The following CEP78 variants were observed in gnomAD, a reference collection of about 807,000 sequenced individuals.
The protein encoded by CEP78 is centrosomal protein of 78 kDa.
CEP78 carries 76 observed loss-of-function variants against 81.2 expected under a neutral mutation model. The ratio of observed to expected loss-of-function variants is 0.94; its 90% CI spans 0.78 to 1.13. The LOEUF (loss-of-function observed/expected upper bound fraction) is 1.13, where lower values mean the gene tolerates loss of function less well. Ranked by LOEUF, CEP78 falls within the 50% of genes most tolerant of loss-of-function variation. CEP78 has a pLI of 0.00. For synonymous variants in CEP78, 293 were observed against 301.4 expected, an observed-to-expected ratio of 0.97 and a Z score of 0.29; for missense variants, 918 against 846.8, an observed-to-expected ratio of 1.08 and a Z score of -1.04.
rs761485253 is a variant in CEP78 at position 78,236,428 on chromosome 9, G to A, written c.78G>A (p.Gln26=). 3 of 1,602,170 alleles carry A rather than the reference G, an allele frequency of 1.9e-6. No individual in the cohort carries two copies. Among genetic ancestry groups the A allele is most frequent in the Non-Finnish European group, 2.6e-6 (3 of 1,174,828 alleles). The change falls in exon 1 of 17, where the codon CAG becomes CAA. Residue 26 remains glutamine (Q), a synonymous_variant. Transcript: ENST00000643273. ...ACTACGAGTACCTGTGCGCGCTGCA[G>A]AACTCGGTGCCGCTGCCCGCCGTGC... ...FSHYEYLCAL[Q]NSVPLPAVRA...
In CEP78 at chr9:78,241,921, G is replaced by A. The variant is rs28506973; in HGVS notation, c.603+122G>A. The A allele has an allele frequency of 1.5e-3, 775 of 531,156 alleles. 4 individuals are homozygous for A. Among genetic ancestry groups the A allele is most frequent in the African/African-American group, 0.013 (693 of 52,078 alleles). 32.9% of individuals were successfully genotyped at this position (531,156 alleles called of 1,614,324 possible). On this transcript the variant is annotated intron_variant, in intron 4 of 16. Coordinates refer to ENST00000643273, the MANE Select transcript of CEP78 (RefSeq NM_001330691.3). ...ATATGGGCATTGCAGTTTTAGTTTT[G>A]TTTAAAGAATGTGACCAATTTTCAG...
chr9:78,277,271 G>GC lies in CEP78; in HGVS notation c.*6422dup. 6.6e-6 allele frequency: 1 copy of GC among 151,614 alleles called. No individual in the cohort carries two copies. The highest frequency in any genetic ancestry group is 1.9e-4 in the East Asian group (1 of 5,170). 9.4% of individuals were successfully genotyped at this position (151,614 alleles called of 1,614,324 possible). ...CCCAACCAAGACACAAAACCCAGTA[G>GC]CCATGAAAAAAAAGATAGATTTGAC... On this transcript the variant is annotated 3_prime_UTR_variant, in exon 17 of 17. Transcript: ENST00000643273.
chr9:78,241,739 C>T lies in CEP78; in HGVS notation c.543C>T (p.Val181=). ...GIKSSITLKT[V]NFTGCNLTWQ... ...AGAGCTCTATCACTCTTAAGACAGT[C>T]AACTTCACAGGATGTAATCTGACAT... The change falls in exon 4 of 17, where the codon GTC becomes GTT. Residue 181 remains valine, a synonymous_variant. Transcript: ENST00000643273. 1 of 1,610,114 alleles carries T rather than the reference C, an allele frequency of 6.2e-7. No homozygotes were observed. The highest frequency in any genetic ancestry group is 8.5e-7 in the Non-Finnish European group (1 of 1,177,040).
Position 78,266,588 on chromosome 9 carries a change from C to A in CEP78, c.1992C>A (p.Phe664Leu). The A allele has an allele frequency of 6.2e-7, 1 of 1,613,678 alleles. No homozygotes were observed. The highest frequency in any genetic ancestry group is 8.5e-7 in the Non-Finnish European group (1 of 1,179,748). ...AGCGGCAGGAGTCTTTTGAAGGATT[C>A]ATTGCTAGAATGTGTTCTCCTTCAC... The part of the protein sequence containing the change: ...TEQRQESFEG[F>L]IARMCSPSPD... The change falls in exon 16 of 17, where the codon TTC becomes TTA. Residue 664 changes from phenylalanine to leucine, a missense_variant. Physicochemically the swap from Phe to Leu is conservative, Grantham distance 22. Transcript: ENST00000643273.
intron 7 of CEP78, 94 bp downstream of exon 7, chr9:78,248,449 G>A: frequency 2.5e-6 from 2 of 790,746 alleles, no homozygotes; most frequent in Non-Finnish European, 4.3e-6. Context: ...TCAAACTTCT[G>A]AGCTCCAGTG....
chr9:78,279,066 G>GAAAAAAAAAAAA lies in CEP78; in HGVS notation c.*8218_*8229dup, dbSNP rs375822706. On this transcript the variant is annotated 3_prime_UTR_variant, in exon 17 of 17. Coordinates refer to ENST00000643273, the MANE Select transcript of CEP78 (RefSeq NM_001330691.3). Reference sequence around the variant, plus strand: ...TGTACATTTTAAACCACTGTGAACTGAAAAAAAAAAAAAAGGCAACCTTGG... The same window carrying GAAAAAAAAAAAA: ...TGTACATTTTAAACCACTGTGAACTGAAAAAAAAAAAAAAAAAAAAAAAAAAGGCAACCTTGG... The GAAAAAAAAAAAA allele has an allele frequency of 7.4e-5, 9 of 121,620 alleles. No individual in the cohort carries two copies. The highest frequency in any genetic ancestry group is 2.2e-4 in the African/African-American group (7 of 32,292). The allele number at this position is 121,620 out of a possible 1,614,324, so 7.5% of individuals were successfully genotyped here.
intron 8 of CEP78, among the ~76,000 whole-genome samples, chr9:78,250,699 A>C (rs1826717376): frequency 6.6e-6 from 1 of 152,174 alleles, no homozygotes; most frequent in Non-Finnish European, 1.5e-5. Context: ...AGATTGTGCC[A>C]CTGCACTCCA....
chr9:78,236,593 G>A lies in CEP78; in HGVS notation c.243G>A (p.Leu81=). 6.5e-7 allele frequency: 1 copy of A among 1,538,318 alleles called. No individual in the cohort carries two copies. The highest frequency in any genetic ancestry group is 8.7e-7 in the Non-Finnish European group (1 of 1,144,394). Residue 81 remains leucine, a synonymous_variant, in exon 1 of 17, where the codon CTG becomes CTA. Transcript: ENST00000643273. ...VSIKSFFQPW[L]GDTGSDMNKF... ...TCAAGAGCTTCTTCCAGCCCTGGCTGGGGGACACAGGTTTGTAGTTCCCGC... is the reference window on the plus strand; with the variant it reads ...TCAAGAGCTTCTTCCAGCCCTGGCTAGGGGACACAGGTTTGTAGTTCCCGC...
At position 78,279,628 on chromosome 9, in the gene CEP78, C is replaced by T. The variant is rs1426915390; in HGVS notation, c.*8777C>T. The T allele has an allele frequency of 6.6e-6, 1 of 152,186 alleles. No individual in the cohort carries two copies. The highest frequency in any genetic ancestry group is 1.5e-5 in the Non-Finnish European group (1 of 68,038). 9.4% of individuals were successfully genotyped at this position (152,186 alleles called of 1,614,324 possible). On this transcript the variant is annotated 3_prime_UTR_variant, in exon 17 of 17. Coordinates refer to ENST00000643273, the MANE Select transcript of CEP78 (RefSeq NM_001330691.3). ...ATGTGGCCTTTGCATCTTTCCCACACAAATATTATTCCACAAATATTTATT... is the reference window on the plus strand; with the variant it reads ...ATGTGGCCTTTGCATCTTTCCCACATAAATATTATTCCACAAATATTTATT...
intron 3 of CEP78, among the ~76,000 whole-genome samples, chr9:78,240,913 A>G (rs907164438): frequency 3.3e-5 from 5 of 152,150 alleles, no homozygotes; most frequent in Non-Finnish European, 5.9e-5. Flanking sequence ...CAGTGAGCCA[A>G]GATCACACCA....
intron 1 of CEP78, 35 bp from the exon 2 acceptor site, chr9:78,239,988 T>C (rs745481521): frequency 1.3e-5 from 20 of 1,502,846 alleles, no homozygotes; most frequent in Non-Finnish European, 1.8e-5. Flanking sequence ...CATTGTATGA[T>C]TGAAGTCACT....
intron 1 of CEP78, 96 bp from the exon 2 acceptor site, chr9:78,239,927 G>C: frequency 9.5e-7 from 1 of 1,048,234 alleles, no homozygotes; most frequent in Middle Eastern, 3.0e-4. Context: ...GACTTTAAAG[G>C]ACATGGCTCA....
At position 78,240,297 on chromosome 9, in the gene CEP78, G is replaced by T; in HGVS notation, c.432G>T (p.Leu144Phe). 1 of 1,602,872 alleles carries T rather than the reference G, an allele frequency of 6.2e-7. No individual in the cohort carries two copies. The highest frequency in any genetic ancestry group is 1.7e-5 in the Admixed American group (1 of 58,272). Reference protein sequence around the residue: ...ERDLTILAKGLNKSASLVHLS... With the variant: ...ERDLTILAKGFNKSASLVHLS... ...ACTTTTCCCCCTCATTAAAGGGATT[G>T]AATAAATCGGCTTCTTTGGTGCACC... The change falls in exon 3 of 17, where the codon TTG (leucine) becomes TTT (phenylalanine). Residue 144 changes from leucine to phenylalanine, a missense_variant. Transcript: ENST00000643273.
intron 11 of CEP78, among the ~76,000 whole-genome samples, chr9:78,261,381 A>C (rs1480636611): frequency 6.6e-6 from 1 of 152,204 alleles, no homozygotes. Context: ...AAAAAATATA[A>C]ACTTTTCCAT....
At chr9:78,248,980 C>T (rs922047334) in intron 8 of CEP78, 107 bp downstream of exon 8, 16 of 500,132 alleles carry the variant, frequency 3.2e-5, no homozygotes, top group Non-Finnish European at 4.7e-5. Flanking sequence ...ATATTGACTC[C>T]GTGCATATTA....
intron 7 of CEP78, 36 bp from the exon 8 acceptor site, chr9:78,248,726 G>C (rs757998475): frequency 3.0e-5 from 32 of 1,074,806 alleles, no homozygotes; most frequent in Non-Finnish European, 4.2e-5. Context: ...TAAATGATCT[G>C]TAACTGAAAT....
At chr9:78,265,584 T>G (rs1292132904) in intron 14 of CEP78, 41 bp downstream of exon 14, 2 of 1,503,242 alleles carry the variant, frequency 1.3e-6, no homozygotes, top group East Asian at 2.5e-5. Context: ...TACAAGTGAT[T>G]AGCAAAAAAG....
chr9:78,274,046 T>TA lies in CEP78; in HGVS notation c.*3196dup, dbSNP rs1827753213. 1 of 152,222 alleles carries TA rather than the reference T, an allele frequency of 6.6e-6. No homozygotes were observed. The highest frequency in any genetic ancestry group is 2.4e-5 in the African/African-American group (1 of 41,428). The allele number at this position is 152,222 out of a possible 1,614,324, so 9.4% of individuals were successfully genotyped here. The stretch of plus-strand genomic sequence containing the variant: ...CCAAGCAGTCCCACTCCTGGGTATT[T>TA]AGAGAGATGAAAACTTAGTTCACAC... On this transcript the variant is annotated 3_prime_UTR_variant, in exon 17 of 17. Coordinates refer to ENST00000643273, the MANE Select transcript of CEP78 (RefSeq NM_001330691.3).
In CEP78 at chr9:78,240,209, CATT is replaced by C; in HGVS notation, c.426+15_426+17del. 1 of 1,611,634 alleles carries C rather than the reference CATT, an allele frequency of 6.2e-7. No individual in the cohort carries two copies. Among genetic ancestry groups the C allele is most frequent in the Non-Finnish European group, 8.5e-7 (1 of 1,178,776 alleles). On this transcript the variant is annotated intron_variant, in intron 2 of 16. Coordinates refer to ENST00000643273, the MANE Select transcript of CEP78 (RefSeq NM_001330691.3). ...ATTCTAGCAAAGGTAAGCTTTGTCTCATTTGGCTTGTAGACATTTGATAGTTGC... is the reference window on the plus strand; with the variant it reads ...ATTCTAGCAAAGGTAAGCTTTGTCTCTGGCTTGTAGACATTTGATAGTTGC...
Sources: allele counts gnomAD v4.1 joint callset (sites outside exome capture counted in the v4.1 genomes callset), GRCh38; gene constraint gnomAD v4.1.1; transcripts MANE v1.5; gene names NCBI Gene and HGNC (gene_info 2026-07-23, HGNC 2026-07-21).